Variants in LRBA observed in about 807,000 individuals in gnomAD.
LRBA encodes the protein LPS responsive beige-like anchor protein.
In LRBA, 176 loss-of-function variants were observed where a neutral mutation model predicts 330.0. The ratio of observed to expected loss-of-function variants is 0.53; its 90% CI spans 0.47 to 0.60. LRBA has a LOEUF of 0.60. LRBA is among the 20% of genes least tolerant of loss of function. LRBA has a pLI of 0.00. For synonymous variants in LRBA, 1,230 were observed against 1,193.0 expected (o/e 1.03, Z -0.64); for missense variants, 3,259 against 3,444.8 (o/e 0.95, Z 1.35).
chr4:150,878,766 A>C (rs1185399076), intron 17 of LRBA, among the ~76,000 whole-genome samples: 1 of 152,108 alleles, frequency 6.6e-6, no homozygotes, highest in Admixed American at 6.5e-5. Context: ...ATAGAAACAC[A>C]AAATCAGGAA....
chr4:150,893,276 T>C, intron 16 of LRBA, 127 bp from the exon 17 acceptor site: 1 of 576,052 alleles, frequency 1.7e-6, no homozygotes, highest in East Asian at 2.8e-5. Context: ...TATATACTTA[T>C]TTTTAACAAA....
At chr4:150,843,725 T>G (rs1179510729) in intron 28 of LRBA, among the ~76,000 whole-genome samples, 1 of 152,206 alleles carries the variant, frequency 6.6e-6, no homozygotes, top group Non-Finnish European at 1.5e-5. Flanking sequence ...TTATCATTGT[T>G]TATCAACACT....
intron 40 of LRBA, chr4:150,579,838 G>A (rs1204437105): frequency 1.0e-5 from 4 of 399,904 alleles, no homozygotes; most frequent in African/African-American, 8.3e-5. Flanking sequence ...GAGCGTCGCG[G>A]GCCGGGCCAT....
chr4:150,985,079 G>A (rs1282026654), intron 2 of LRBA, among the ~76,000 whole-genome samples: 3 of 152,048 alleles, frequency 2.0e-5, no homozygotes, highest in East Asian at 1.9e-4. Context: ...CCAACATGGC[G>A]AAACCCCGTC....
intron 47 of LRBA, among the ~76,000 whole-genome samples, chr4:150,403,207 C>T (rs1430459463): frequency 6.6e-6 from 1 of 152,204 alleles, no homozygotes; most frequent in Non-Finnish European, 1.5e-5. Flanking sequence ...GGAGGGGTTA[C>T]AGGCAGCTCC....
chr4:150,791,921 C>T (rs1349118623), intron 34 of LRBA, among the ~76,000 whole-genome samples: 2 of 141,750 alleles, frequency 1.4e-5, no homozygotes, highest in Non-Finnish European at 3.0e-5. Flanking sequence ...CCCAGCTGCT[C>T]GGGAGGCTGA....
chr4:150,843,777 T>C (rs1458836705), intron 28 of LRBA, among the ~76,000 whole-genome samples: 4 of 152,214 alleles, frequency 2.6e-5, no homozygotes, highest in Non-Finnish European at 5.9e-5. Context: ...CTTAGATTAT[T>C]CATCTATAAA....
At chr4:150,469,712 C>T (rs574576032) in intron 43 of LRBA, among the ~76,000 whole-genome samples, 1 of 152,074 alleles carries the variant, frequency 6.6e-6, no homozygotes, top group Admixed American at 6.5e-5. Context: ...TTTGCAACAT[C>T]CCCTCACTCT....
chr4:150,518,235 A>G (rs1047782814), intron 40 of LRBA, among the ~76,000 whole-genome samples: 1 of 152,218 alleles, frequency 6.6e-6, no homozygotes, highest in East Asian at 1.9e-4. Context: ...TGGATCTGAT[A>G]ACCTAAGCAA....
At chr4:150,475,065 C>G (rs1003185402) in intron 42 of LRBA, among the ~76,000 whole-genome samples, 7 of 152,120 alleles carry the variant, frequency 4.6e-5, no homozygotes, top group Non-Finnish European at 7.4e-5. Flanking sequence ...TTTATAAATA[C>G]TGGTGCATGA....
chr4:150,342,672 CT>C (rs1465746842), intron 48 of LRBA, among the ~76,000 whole-genome samples: 6 of 152,082 alleles, frequency 3.9e-5, no homozygotes, highest in Non-Finnish European at 5.9e-5. Flanking sequence ...TTTATGATCA[CT>C]TACTATGCCA....
chr4:150,594,415 A>T (rs1275928614), intron 38 of LRBA, among the ~76,000 whole-genome samples: 2 of 152,064 alleles, frequency 1.3e-5, no homozygotes, highest in Admixed American at 1.3e-4. Context: ...CATTTGCCTT[A>T]TTCTCAATCA....
At chr4:150,911,908 G>T (rs528195353) in intron 9 of LRBA, among the ~76,000 whole-genome samples, 3 of 151,958 alleles carry the variant, frequency 2.0e-5, no homozygotes, top group African/African-American at 7.2e-5. Context: ...ATTTATTTTT[G>T]ATTCAGTCTC....
intron 52 of LRBA, among the ~76,000 whole-genome samples, chr4:150,309,906 T>G (rs547015781): frequency 2.4e-4 from 36 of 152,310 alleles, no homozygotes; most frequent in African/African-American, 8.7e-4. Flanking sequence ...GTGTGTGCAC[T>G]TGCCGTAAGA....
intron 40 of LRBA, among the ~76,000 whole-genome samples, chr4:150,549,415 T>C (rs1360234185): frequency 6.6e-6 from 1 of 152,096 alleles, no homozygotes; most frequent in Non-Finnish European, 1.5e-5. Context: ...CACTGCAAGC[T>C]CCGCCTCCCG....
At chr4:150,861,283 G>GTGTGTGTGTGTA in intron 22 of LRBA, among the ~76,000 whole-genome samples, 1 of 150,382 alleles carries the variant, frequency 6.6e-6, no homozygotes, top group African/African-American at 2.5e-5. Flanking sequence ...GTGTGTGTGT[G>GTGTGTGTGTGTA]TGTGTGTGTG....
chr4:150,612,212 A>G (rs1201437872), intron 37 of LRBA, among the ~76,000 whole-genome samples: 2 of 152,198 alleles, frequency 1.3e-5, no homozygotes, highest in East Asian at 1.9e-4. Flanking sequence ...AACAAAAAAA[A>G]AGTCACCCTC....
chr4:150,631,933 A>G (rs1777418699), intron 37 of LRBA, among the ~76,000 whole-genome samples: 1 of 152,192 alleles, frequency 6.6e-6, no homozygotes, highest in Non-Finnish European at 1.5e-5. Context: ...AGATTCCTGT[A>G]TAGAAGTGAT....
intron 40 of LRBA, among the ~76,000 whole-genome samples, chr4:150,576,939 A>T (rs931958198): frequency 5.3e-5 from 8 of 151,688 alleles, no homozygotes; most frequent in South Asian, 4.2e-4. Flanking sequence ...GTAAAAAAAA[A>T]TTTTTTTTAT....
Sources: allele counts gnomAD v4.1 joint callset (sites outside exome capture counted in the v4.1 genomes callset), GRCh38; gene constraint gnomAD v4.1.1; transcripts MANE v1.5; gene names NCBI Gene and HGNC (gene_info 2026-07-23, HGNC 2026-07-21).